MYH11: variants seen among roughly 807,000 people sequenced by gnomAD.
MYH11 encodes the protein myosin heavy chain 11, also known as myosin-11.
Under a neutral mutation model 246.6 loss-of-function variants are expected in MYH11, and 80 were observed. That is an observed-to-expected ratio of 0.32 (90% CI 0.27 to 0.39). The LOEUF (loss-of-function observed/expected upper bound fraction) is 0.39. MYH11 is among the 10% of genes least tolerant of loss of function. The pLI, the probability that MYH11 is intolerant of heterozygous loss-of-function variation, is 1.00. For missense variants in MYH11, 2,158 were observed against 2,546.8 expected (o/e 0.85, Z 3.29); for synonymous variants, 1,071 against 1,015.5 (o/e 1.05, Z -1.04).
chr16:15,704,587 G>A (rs2039348608), intron 40 of MYH11, among the ~76,000 whole-genome samples: 1 of 152,156 alleles, frequency 6.6e-6, no homozygotes, highest in South Asian at 2.1e-4. Flanking sequence ...ACCCCCATTC[G>A]CCTTAGAGGT....
intron 25 of MYH11, among the ~76,000 whole-genome samples, chr16:15,736,520 C>G (rs570352534): frequency 1.3e-5 from 2 of 152,124 alleles, no homozygotes; most frequent in Non-Finnish European, 2.9e-5. Context: ...CTCAAGCAAT[C>G]CCCCCACCTC....
chr16:15,737,411 A>G (rs775190728), intron 25 of MYH11, 38 bp downstream of exon 25: 9 of 1,606,174 alleles, frequency 5.6e-6, no homozygotes, highest in Non-Finnish European at 6.8e-6. Flanking sequence ...CAGGGGATAC[A>G]TGGACACACA....
chr16:15,758,090 C>T, intron 12 of MYH11, 90 bp from the exon 13 acceptor site: 1 of 1,582,136 alleles, frequency 6.3e-7, no homozygotes, highest in Non-Finnish European at 8.7e-7. Context: ...CGACAGCGCC[C>T]CCATGGCCCG....
chr16:15,726,599 C>T (rs553301071), intron 28 of MYH11: 13 of 579,554 alleles, frequency 2.2e-5, no homozygotes, highest in African/African-American at 2.2e-4. Flanking sequence ...AACCCCTGAC[C>T]TCAGGTGATC....
chr16:15,739,209 C>T (rs1223686038), intron 23 of MYH11, among the ~76,000 whole-genome samples: 1 of 152,092 alleles, frequency 6.6e-6, no homozygotes. Context: ...AAGTGATTCT[C>T]CTGCCTCAGC....
rs201443445 is a variant in MYH11 at position 15,737,471 on chromosome 16, C to A, written c.3271G>T (p.Glu1091Ter). 2 of 1,613,094 alleles carry A rather than the reference C, an allele frequency of 1.2e-6. No homozygotes were observed. The highest frequency in any genetic ancestry group is 2.2e-5 in the East Asian group (1 of 44,884). ...LKMQLAKKEE[E>*]LQAALARLDD... ...TACCTGGCCAGGGCCGCCTGCAGCT[C>A]CTCCTCCTTCTTGGCCAGCTGCATC... The change falls in exon 25 of 41, where the codon GAG becomes TAG. Residue 1091 changes from glutamate (E) to a stop codon, truncating the protein, a stop_gained. Coordinates refer to ENST00000300036, the MANE Select transcript of MYH11 (RefSeq NM_002474.3). LOFTEE classifies it high-confidence loss of function.
intron 1 of MYH11, among the ~76,000 whole-genome samples, chr16:15,845,388 C>T (rs2044160673): frequency 6.8e-6 from 1 of 148,118 alleles, no homozygotes; most frequent in Non-Finnish European, 1.5e-5. Context: ...TCTGGGGTGG[C>T]CCAGGGAAGC....
intron 2 of MYH11, among the ~76,000 whole-genome samples, chr16:15,829,904 G>A (rs1488770443): frequency 1.3e-5 from 2 of 152,202 alleles, no homozygotes; most frequent in Non-Finnish European, 2.9e-5. Context: ...GGAGGCCAAG[G>A]TGGGTGGATC....
At chr16:15,776,703 G>A (rs574611488) in intron 7 of MYH11, among the ~76,000 whole-genome samples, 1 of 152,230 alleles carries the variant, frequency 6.6e-6, no homozygotes, top group Admixed American at 6.5e-5. Flanking sequence ...CTAACAAGTG[G>A]CAAAGCTGTC....
intron 2 of MYH11, among the ~76,000 whole-genome samples, chr16:15,829,842 C>T (rs1180352377): frequency 6.6e-6 from 1 of 152,102 alleles, no homozygotes; most frequent in Non-Finnish European, 1.5e-5. Context: ...GGCTTTCAGA[C>T]ACACAGGGAT....
chr16:15,732,005 A>G (rs2052137419), intron 27 of MYH11, among the ~76,000 whole-genome samples: 1 of 151,876 alleles, frequency 6.6e-6, no homozygotes, highest in Non-Finnish European at 1.5e-5. Flanking sequence ...TCTGTTGCTC[A>G]GGCTGGAGTG....
chr16:15,781,488 C>A (rs963689968), intron 6 of MYH11, among the ~76,000 whole-genome samples: 1 of 152,128 alleles, frequency 6.6e-6, no homozygotes, highest in African/African-American at 2.4e-5. Context: ...AGTTCAGAGA[C>A]CCCCTTCTCC....
chr16:15,754,194 G>A (rs2041652929), intron 14 of MYH11, among the ~76,000 whole-genome samples: 1 of 152,112 alleles, frequency 6.6e-6, no homozygotes, highest in Non-Finnish European at 1.5e-5. Flanking sequence ...TCCAGCCTGG[G>A]TGACAGAGTG....
chr16:15,838,960 A>G (rs951536039), intron 1 of MYH11, among the ~76,000 whole-genome samples: 2 of 152,022 alleles, frequency 1.3e-5, no homozygotes, highest in African/African-American at 4.8e-5. Flanking sequence ...AAGAGTCCTC[A>G]TACGATTAAA....
intron 40 of MYH11, among the ~76,000 whole-genome samples, chr16:15,710,625 G>T (rs1045390676): frequency 1.1e-4 from 17 of 152,196 alleles, no homozygotes; most frequent in African/African-American, 4.1e-4. Context: ...GCTCAGCCCA[G>T]CCACTCAGGA....
intron 3 of MYH11, among the ~76,000 whole-genome samples, chr16:15,820,922 G>A (rs2043393267): frequency 1.3e-5 from 2 of 152,152 alleles, no homozygotes; most frequent in Admixed American, 6.5e-5. Context: ...ACCCAGGCTG[G>A]AATGCAGTGG....
rs77951359 is a variant in MYH11, at chr16:15,744,120, T to TA, written c.2520+1008dup. ...ACTCCATTTCAAAAAATGCAAAAAG[T>TA]AAAAAAAAAAAAACCTGCAGTATTG... On this transcript the variant is annotated intron_variant, in intron 20 of 40. Transcript: ENST00000300036. 1.4e-3 allele frequency among the ~76,000 whole-genome samples: 200 copies of TA among 139,088 alleles called. 1 individual carries two copies. The highest frequency in any genetic ancestry group is 8.9e-3 in the East Asian group (43 of 4,858). The allele number at this position is 139,088 out of a possible 152,430, so 91.2% of individuals were successfully genotyped here. A position where few individuals can be genotyped will look rare whatever the true frequency, so the allele number is the denominator to read the frequency against.
At chr16:15,828,396 C>T (rs931633950) in intron 2 of MYH11, among the ~76,000 whole-genome samples, 6 of 152,132 alleles carry the variant, frequency 3.9e-5, no homozygotes, top group African/African-American at 9.7e-5. Context: ...GAACACTTTT[C>T]CCCTCATCTT....
At chr16:15,813,860 A>T (rs1311447202) in intron 3 of MYH11, among the ~76,000 whole-genome samples, 1 of 151,832 alleles carries the variant, frequency 6.6e-6, no homozygotes, top group African/African-American at 2.4e-5. Context: ...GCAAAAAAAA[A>T]AAAGTGTAAA....
Sources: allele counts gnomAD v4.1 joint callset (sites outside exome capture counted in the v4.1 genomes callset), GRCh38; gene constraint gnomAD v4.1.1; transcripts MANE v1.5; gene names NCBI Gene and HGNC (gene_info 2026-07-23, HGNC 2026-07-21).